LRRC8E: variants seen among roughly 807,000 people sequenced by gnomAD.
LRRC8E encodes the protein volume-regulated anion channel subunit LRRC8E.
Under a neutral mutation model 6.1 loss-of-function variants are expected in LRRC8E, and 6 were observed. That is an observed-to-expected ratio of 0.98 (90% CI 0.54 to 1.93). The LOEUF is 1.93. LRRC8E is among the 30% of genes most tolerant of loss of function. LRRC8E has a pLI of 0.01. For missense variants in LRRC8E, 1,028 were observed against 1,031.4 expected (o/e 1.00, Z 0.04); for synonymous variants, 485 against 472.8 (o/e 1.03, Z -0.33).
intron 1 of LRRC8E, among the ~76,000 whole-genome samples, chr19:7,891,812 G>C (rs1981330259): frequency 1.3e-5 from 2 of 152,062 alleles, no homozygotes; most frequent in African/African-American, 4.8e-5. Context: ...GTTTCACCAT[G>C]TTGGCCAGGC....
intron 1 of LRRC8E, among the ~76,000 whole-genome samples, chr19:7,891,511 T>C (rs1981305743): frequency 6.8e-6 from 1 of 147,244 alleles, no homozygotes; most frequent in Non-Finnish European, 1.5e-5. Flanking sequence ...GACAGGAAGT[T>C]GGTCCCTGCT....
Position 7,899,401 on chromosome 19 carries a change from C to A in LRRC8E, c.879C>A (p.Val293=). 4 of 1,614,168 alleles carry A rather than the reference C, an allele frequency of 2.5e-6. No individual in the cohort carries two copies. The highest frequency in any genetic ancestry group is 3.4e-6 in the Non-Finnish European group (4 of 1,180,034). The change falls in exon 3 of 3, where the codon GTC becomes GTA. Residue 293 remains valine (V), a synonymous_variant. Coordinates refer to ENST00000306708, the MANE Select transcript of LRRC8E (RefSeq NM_025061.6). ...CCTGTAGGGTGGAGACGTCAGAGGTCACGGGCTACGCCAGCTTCTGCTGCA... is the reference window on the plus strand; with the variant it reads ...CCTGTAGGGTGGAGACGTCAGAGGTAACGGGCTACGCCAGCTTCTGCTGCA... ...LVACRVETSE[V]TGYASFCCNH...
At position 7,898,711 on chromosome 19, in the gene LRRC8E, C is replaced by T. The variant is rs1981739849; in HGVS notation, c.189C>T (p.Asn63=). 3 of 1,613,538 alleles carry T rather than the reference C, an allele frequency of 1.9e-6. No homozygotes were observed. Among genetic ancestry groups the T allele is most frequent in the Non-Finnish European group, 2.5e-6 (3 of 1,179,678 alleles). ...ICLPNHELQE[N]LSEAPCQQLL... ...TACCCAATCATGAGCTCCAGGAGAACTTATCAGAGGCCCCGTGCCAGCAAT... is the reference window on the plus strand; with the variant it reads ...TACCCAATCATGAGCTCCAGGAGAATTTATCAGAGGCCCCGTGCCAGCAAT... The change falls in exon 3 of 3, where the codon AAC becomes AAT. Residue 63 remains asparagine, a synonymous_variant. Coordinates refer to ENST00000306708, the MANE Select transcript of LRRC8E (RefSeq NM_025061.6).
intron 1 of LRRC8E, among the ~76,000 whole-genome samples, chr19:7,892,929 G>A (rs913327213): frequency 8.6e-5 from 13 of 151,936 alleles, no homozygotes; most frequent in African/African-American, 3.1e-4. Context: ...GGTTCAAGGG[G>A]TTTTCGTGCC....
rs766935308 is a variant in LRRC8E, at chr19:7,900,767, C to T, written c.2245C>T (p.Arg749Cys). Reference protein sequence around the residue: ...PHVGALRALSRLELKGNRLEA... With the variant: ...PHVGALRALSCLELKGNRLEA... The stretch of plus-strand genomic sequence containing the variant: ...CGTGGGTGCCCTCAGAGCCCTCAGC[C>T]GCCTGGAGCTCAAAGGCAACCGCTT... The change falls in exon 3 of 3, where the codon CGC becomes TGC. Residue 749 changes from arginine (R) to cysteine (C), a missense_variant. Physicochemically the swap from Arg to Cys is radical, Grantham distance 180. Coordinates refer to ENST00000306708, the MANE Select transcript of LRRC8E (RefSeq NM_025061.6). This position sits in a 1 kb window ranked among gnomAD's most constrained non-coding sequence, Gnocchi z 5.0. 68 of 1,610,372 alleles carry T rather than the reference C, an allele frequency of 4.2e-5. No homozygotes were observed. In the Admixed American group the frequency reaches 5.2e-4, roughly 12 times the overall value.
At chr19:7,889,441 C>CAAA (rs113557470) in intron 1 of LRRC8E, among the ~76,000 whole-genome samples, 2 of 141,188 alleles carry the variant, frequency 1.4e-5, no homozygotes, top group Non-Finnish European at 1.5e-5. Flanking sequence ...CACTCCATCT[C>CAAA]AAAAAAAAAA....
At chr19:7,891,091 C>T (rs1404062127) in intron 1 of LRRC8E, among the ~76,000 whole-genome samples, 3 of 152,178 alleles carry the variant, frequency 2.0e-5, no homozygotes, top group Admixed American at 6.6e-5. Context: ...GGTCAGGCTT[C>T]GAATGCCGCT....
chr19:7,898,601 C>T (rs1981730462), intron 2 of LRRC8E, 60 bp from the exon 3 acceptor site: 3 of 1,444,616 alleles, frequency 2.1e-6, no homozygotes, highest in Non-Finnish European at 1.9e-6. Flanking sequence ...TAAAGTGATC[C>T]ACTCGCCTTG....
intron 1 of LRRC8E, among the ~76,000 whole-genome samples, chr19:7,890,615 C>T (rs568132763): frequency 4.6e-4 from 70 of 152,078 alleles, no homozygotes; most frequent in African/African-American, 1.7e-3. Context: ...CAGTGAAACC[C>T]CGTCTCTACT....
chr19:7,899,276 T>G lies in LRRC8E; in HGVS notation c.754T>G (p.Tyr252Asp), dbSNP rs956591528. ...GCACGTGGAAGAGGGCGACATCCTGTACACCATGTACATCCGACAGACGGT... is the reference window on the plus strand; with the variant it reads ...GCACGTGGAAGAGGGCGACATCCTGGACACCATGTACATCCGACAGACGGT... ...RMHVEEGDIL[Y>D]TMYIRQTVLK... The change falls in exon 3 of 3, where the codon TAC becomes GAC. Residue 252 changes from tyrosine (Y) to aspartate (D), a missense_variant. Coordinates refer to ENST00000306708, the MANE Select transcript of LRRC8E (RefSeq NM_025061.6). 2 of 1,614,230 alleles carry G rather than the reference T, an allele frequency of 1.2e-6. No individual in the cohort carries two copies. Among genetic ancestry groups the G allele is most frequent in the South Asian group, 2.2e-5 (2 of 91,086 alleles).
chr19:7,894,250 G>C (rs1167999630), intron 1 of LRRC8E, among the ~76,000 whole-genome samples: 1 of 152,122 alleles, frequency 6.6e-6, no homozygotes, highest in Non-Finnish European at 1.5e-5. Flanking sequence ...GTTTGAGATG[G>C]AGTCTCACTC....
At chr19:7,898,351 C>T (rs901931923) in intron 2 of LRRC8E, among the ~76,000 whole-genome samples, 27 of 151,688 alleles carry the variant, frequency 1.8e-4, no homozygotes, top group African/African-American at 9.7e-5. Context: ...CCCTCATTTT[C>T]TCTCTTTTTT....
intron 1 of LRRC8E, among the ~76,000 whole-genome samples, 200 bp downstream of exon 1, chr19:7,888,800 C>T (rs1431649010): frequency 6.6e-6 from 1 of 152,160 alleles, no homozygotes. Context: ...ACGAGGTGCC[C>T]GTCCTGGGAG....
At position 7,900,710 on chromosome 19, in the gene LRRC8E, G is replaced by T; in HGVS notation, c.2188G>T (p.Gly730Cys). The T allele has an allele frequency of 6.2e-7, 1 of 1,613,322 alleles. No homozygotes were observed. The highest frequency in any genetic ancestry group is 8.5e-7 in the Non-Finnish European group (1 of 1,179,994). ...FCRKLRTLLL[G>C]DNQLSQLSPH... Reference sequence around the variant, plus strand: ...CCGCAAGCTGCGGACGTTGCTTCTGGGCGACAACCAGCTGAGCCAGCTCTC... The same window carrying T: ...CCGCAAGCTGCGGACGTTGCTTCTGTGCGACAACCAGCTGAGCCAGCTCTC... The change falls in exon 3 of 3, where the codon GGC (glycine) becomes TGC (cysteine). Residue 730 changes from glycine (G) to cysteine (C), a missense_variant. Transcript: ENST00000306708. The surrounding 1 kb of genome is among the most constrained non-coding windows in gnomAD (Gnocchi z 5.0).
At chr19:7,888,897 C>T (rs1215315773) in intron 1 of LRRC8E, among the ~76,000 whole-genome samples, 1 of 152,202 alleles carries the variant, frequency 6.6e-6, no homozygotes, top group African/African-American at 2.4e-5. Flanking sequence ...TTTCCCCTCC[C>T]CTTGGCATCT....
In LRRC8E at chr19:7,895,731, GCACCCTC is replaced by G. The variant is rs1158290145; in HGVS notation, c.131_137del (p.Thr44ArgfsTer2). ...ATGCTCATGATTGGGGTCTTTGGCT[GCACCCTC>G]CAGGTGAGGCCCTCCCCTGGCAAGG... On this transcript the variant is annotated frameshift_variant, in exon 2 of 3. Coordinates refer to ENST00000306708, the MANE Select transcript of LRRC8E (RefSeq NM_025061.6). LOFTEE classifies it low-confidence loss of function (END_TRUNC). The surrounding 1 kb of genome is among the most constrained non-coding windows in gnomAD (Gnocchi z 4.7). The G allele has an allele frequency of 6.2e-7, 1 of 1,613,788 alleles. No individual in the cohort carries two copies. Among genetic ancestry groups the G allele is most frequent in the African/African-American group, 1.3e-5 (1 of 75,028 alleles).
intron 1 of LRRC8E, among the ~76,000 whole-genome samples, chr19:7,892,045 A>G (rs767858331): frequency 6.7e-6 from 1 of 149,908 alleles, no homozygotes; most frequent in African/African-American, 2.5e-5. Context: ...GACTACAGGC[A>G]TGCACCACCA....
intron 1 of LRRC8E, among the ~76,000 whole-genome samples, chr19:7,894,788 G>A (rs946841616): frequency 5.3e-5 from 8 of 152,210 alleles, no homozygotes; most frequent in Non-Finnish European, 8.8e-5. Context: ...AGAGTGGGCC[G>A]GCCAGGAGCC....
At chr19:7,891,748 AG>A (rs1224480851) in intron 1 of LRRC8E, among the ~76,000 whole-genome samples, 6 of 152,080 alleles carry the variant, frequency 3.9e-5, no homozygotes, top group African/African-American at 1.4e-4. Context: ...CTGGGATTAC[AG>A]GCATCCACCA....
Sources: gnomAD v4.1 joint callset for allele counts (sites outside exome capture counted in the v4.1 genomes callset) on GRCh38, gnomAD v4.1.1 for gene constraint, Gnocchi (gnomAD v3.1) non-coding constraint, MANE v1.5 for transcripts, NCBI Gene and HGNC (gene_info 2026-07-23, HGNC 2026-07-21) for gene names.